FARSB: variants seen among roughly 807,000 people sequenced by gnomAD.
FARSB encodes the protein phenylalanyl-tRNA synthetase subunit beta.
A neutral mutation model predicts 69.6 loss-of-function variants in FARSB; 40 were observed. That is an observed-to-expected ratio of 0.57 (90% confidence interval 0.45 to 0.75). The LOEUF is 0.75. FARSB is among the 30% of genes least tolerant of loss of function. FARSB has a pLI of 0.00. For missense variants in FARSB, 632 were observed against 722.9 expected (o/e 0.87, Z 1.44); for synonymous variants, 235 against 247.2 (o/e 0.95, Z 0.46).
intron 16 of FARSB, among the ~76,000 whole-genome samples, chr2:222,573,271 C>T (rs1486906573): frequency 6.6e-6 from 1 of 151,978 alleles, no homozygotes; most frequent in Non-Finnish European, 1.5e-5. Flanking sequence ...TAAGTAAACC[C>T]AAAGCAACAG....
intron 3 of FARSB, 64 bp downstream of exon 3, chr2:222,642,784 CTGA>C: frequency 8.2e-7 from 1 of 1,217,334 alleles, no homozygotes; most frequent in South Asian, 1.7e-5. Context: ...AACATGGCTG[CTGA>C]TAATGACAAG....
intron 1 of FARSB, among the ~76,000 whole-genome samples, chr2:222,649,063 C>A (rs1180215038): frequency 6.6e-6 from 1 of 151,680 alleles, no homozygotes; most frequent in Non-Finnish European, 1.5e-5. Flanking sequence ...CCTGTCTCTA[C>A]TAAAAATACA....
At position 222,571,795 on chromosome 2, in the gene FARSB, G is replaced by A; in HGVS notation, c.*76C>T. 7.9e-7 allele frequency: 1 copy of A among 1,258,248 alleles called. No individual in the cohort carries two copies. Among genetic ancestry groups the A allele is most frequent in the South Asian group, 1.4e-5 (1 of 70,968 alleles). 77.9% of individuals were successfully genotyped at this position (1,258,248 alleles called of 1,614,324 possible). A position where few individuals can be genotyped will look rare whatever the true frequency, so the allele number is the denominator to read the frequency against. On this transcript the variant is annotated 3_prime_UTR_variant, in exon 17 of 17. Transcript: ENST00000281828. ...ATCAAAGCCCAAATAGATGTTCCCT[G>A]TGGAGGAGGACTTAAGGACACTAGG...
intron 10 of FARSB, 94 bp from the exon 11 acceptor site, chr2:222,624,869 C>A: frequency 4.2e-6 from 3 of 710,004 alleles, no homozygotes; most frequent in South Asian, 3.9e-5. Flanking sequence ...CTATTACGTT[C>A]CCAAGAAATT....
intron 16 of FARSB, among the ~76,000 whole-genome samples, chr2:222,587,346 A>G (rs564223953): frequency 6.6e-6 from 1 of 152,338 alleles, no homozygotes; most frequent in South Asian, 2.1e-4. Context: ...TCTCTGGGAC[A>G]CATTTAAAGC....
Position 222,613,819 on chromosome 2 carries a change from G to C in FARSB, c.1454C>G (p.Ser485Cys), listed in dbSNP as rs540384719. 6.4e-7 allele frequency: 1 copy of C among 1,558,606 alleles called. No individual in the cohort carries two copies. The highest frequency in any genetic ancestry group is 1.7e-5 in the Admixed American group (1 of 59,904). Residue 485 changes from serine to cysteine, a missense_variant, in exon 15 of 17, where the codon TCT becomes TGT. Coordinates refer to ENST00000281828, the MANE Select transcript of FARSB (RefSeq NM_005687.5). ...FEISDIVIKD[S>C]NTDVGAKNYR... ...AGGTGACTTATTCTTACCTGTATTAGAATCTTTTATTACAATGTCAGAGAT... is the reference window on the plus strand; with the variant it reads ...AGGTGACTTATTCTTACCTGTATTACAATCTTTTATTACAATGTCAGAGAT...
intron 5 of FARSB, among the ~76,000 whole-genome samples, chr2:222,636,748 A>G (rs2106232916): frequency 6.6e-6 from 1 of 152,364 alleles, no homozygotes; most frequent in South Asian, 2.1e-4. Context: ...GTCTGAATCT[A>G]GCTAAGTATT....
At chr2:222,585,822 TA>T (rs1690096877) in intron 16 of FARSB, among the ~76,000 whole-genome samples, 1 of 150,784 alleles carries the variant, frequency 6.6e-6, no homozygotes, top group South Asian at 2.1e-4. Context: ...GAAAAAAGAG[TA>T]AAAAGAAATG....
intron 2 of FARSB, among the ~76,000 whole-genome samples, chr2:222,643,379 A>C (rs1188168578): frequency 6.6e-6 from 1 of 152,236 alleles, no homozygotes; most frequent in Non-Finnish European, 1.5e-5. Context: ...ATCTACTGCT[A>C]CTTACACACT....
intron 16 of FARSB, among the ~76,000 whole-genome samples, chr2:222,579,650 G>C (rs893412626): frequency 9.9e-5 from 15 of 152,106 alleles, no homozygotes; most frequent in African/African-American, 3.6e-4. Flanking sequence ...CTTAAAACTA[G>C]AAATGACCTT....
At chr2:222,596,876 G>A (rs899496630) in intron 16 of FARSB, among the ~76,000 whole-genome samples, 5 of 152,000 alleles carry the variant, frequency 3.3e-5, no homozygotes, top group African/African-American at 1.2e-4. Flanking sequence ...CTTTATTACT[G>A]ACTTATTTTG....
At chr2:222,639,816 T>G in intron 4 of FARSB, 121 bp from the exon 5 acceptor site, 1 of 414,628 alleles carries the variant, frequency 2.4e-6, no homozygotes, top group Admixed American at 4.3e-5. Context: ...CAAGTATATA[T>G]TAATTTATTC....
chr2:222,606,126 G>A (rs1031063371), intron 15 of FARSB, among the ~76,000 whole-genome samples: 22 of 151,984 alleles, frequency 1.4e-4, no homozygotes, highest in African/African-American at 5.1e-4. Context: ...CATTATTTAG[G>A]CGCCCCCTCC....
chr2:222,595,658 T>C (rs1226487271), intron 16 of FARSB, among the ~76,000 whole-genome samples: 1 of 151,812 alleles, frequency 6.6e-6, no homozygotes, highest in African/African-American at 2.4e-5. Flanking sequence ...AAAACTGAAA[T>C]AGGTAACAAG....
intron 16 of FARSB, among the ~76,000 whole-genome samples, chr2:222,585,819 G>C (rs1690096757): frequency 6.6e-6 from 1 of 152,156 alleles, no homozygotes. Flanking sequence ...AGAGAAAAAA[G>C]AGTAAAAAGA....
chr2:222,637,559 G>A (rs534544568), intron 5 of FARSB, among the ~76,000 whole-genome samples: 7 of 152,306 alleles, frequency 4.6e-5, no homozygotes, highest in African/African-American at 1.7e-4. Flanking sequence ...AAACTTCACT[G>A]CTCATGTAGC....
At chr2:222,617,410 A>T (rs114137792) in intron 14 of FARSB, among the ~76,000 whole-genome samples, 540 of 152,336 alleles carry the variant, frequency 3.5e-3, no homozygotes, top group African/African-American at 0.012. Context: ...TAAGAAATCT[A>T]TCAAGCTTCA....
intron 3 of FARSB, among the ~76,000 whole-genome samples, chr2:222,642,139 T>C (rs947793713): frequency 6.6e-6 from 1 of 152,112 alleles, no homozygotes; most frequent in Non-Finnish European, 1.5e-5. Context: ...TAGCTGGGAT[T>C]ACAGGTGCAC....
Position 222,624,282 on chromosome 2 carries a change from A to C in FARSB, c.1160T>G (p.Ile387Arg). Residue 387 changes from isoleucine to arginine, a missense_variant, in exon 12 of 17, where the codon ATA becomes AGA. Coordinates refer to ENST00000281828, the MANE Select transcript of FARSB (RefSeq NM_005687.5). Reference sequence around the variant, plus strand: ...AGGGTGCAATCTTACTTGATTAGCTATGGTGTAAGTTTTCGGGAGAGTCAT... The same window carrying C: ...AGGGTGCAATCTTACTTGATTAGCTCTGGTGTAAGTTTTCGGGAGAGTCAT... ...IQMTLPKTYT[I>R]ANQFPLNKLT... 1 of 1,599,926 alleles carries C rather than the reference A, an allele frequency of 6.3e-7. No individual in the cohort carries two copies. The highest frequency in any genetic ancestry group is 8.6e-7 in the Non-Finnish European group (1 of 1,168,284).
Sources: allele counts gnomAD v4.1 joint callset (sites outside exome capture counted in the v4.1 genomes callset), GRCh38; gene constraint gnomAD v4.1.1; transcripts MANE v1.5; gene names NCBI Gene and HGNC (gene_info 2026-07-23, HGNC 2026-07-21).